PAK1: variants seen among roughly 807,000 people sequenced by gnomAD.
The protein encoded by PAK1 is p21 (RAC1) activated kinase 1.
A neutral mutation model predicts 67.4 loss-of-function variants in PAK1; 29 were observed. That is an observed-to-expected ratio of 0.43 (90% confidence interval 0.32 to 0.59). The LOEUF is 0.59. PAK1 is among the 20% of genes least tolerant of loss of function. The pLI, the probability that PAK1 is intolerant of heterozygous loss-of-function variation, is 0.07. For synonymous variants in PAK1, 223 were observed against 237.4 expected (o/e 0.94, Z 0.56); for missense variants, 337 against 670.7 (o/e 0.50, Z 5.50).
chr11:77,494,855 T>C, the PAK1 span, among the ~76,000 whole-genome samples: 2 of 152,016 alleles, frequency 1.3e-5, no homozygotes, highest in Non-Finnish European at 2.9e-5. Flanking sequence ...CCCCCATCTA[T>C]ATACAAAATT....
chr11:77,514,537 A>T, the PAK1 span, among the ~76,000 whole-genome samples: 2 of 152,208 alleles, frequency 1.3e-5, no homozygotes, highest in South Asian at 4.1e-4. Flanking sequence ...GGCGCTCTTC[A>T]GGATTAGTTA....
the PAK1 span, among the ~76,000 whole-genome samples, chr11:77,510,511 G>A: frequency 2.0e-3 from 304 of 152,256 alleles, 1 homozygote; most frequent in African/African-American, 7.1e-3. Flanking sequence ...TTACAGGTGT[G>A]TACAGGTGTG....
At chr11:77,457,754 G>A (rs571784728) in intron 1 of PAK1, among the ~76,000 whole-genome samples, 24 of 152,318 alleles carry the variant, frequency 1.6e-4, no homozygotes, top group African/African-American at 5.8e-4. Flanking sequence ...AACAGCTACT[G>A]AGGCAGAGAA....
At chr11:77,365,805 C>G (rs1307261211) in intron 5 of PAK1, among the ~76,000 whole-genome samples, 1 of 151,842 alleles carries the variant, frequency 6.6e-6, no homozygotes, top group Non-Finnish European at 1.5e-5. Context: ...TGTACTCCAG[C>G]CTGGGCGACA....
At chr11:77,369,040 A>G (rs1444153588) in intron 5 of PAK1, among the ~76,000 whole-genome samples, 3 of 152,222 alleles carry the variant, frequency 2.0e-5, no homozygotes, top group African/African-American at 7.2e-5. Context: ...GATTAGGTAC[A>G]AAATTCTTGG....
chr11:77,335,274 A>G (rs1346372439), intron 13 of PAK1, among the ~76,000 whole-genome samples: 2 of 152,180 alleles, frequency 1.3e-5, no homozygotes, highest in African/African-American at 4.8e-5. Context: ...TAATAAATTT[A>G]TGTTTATAGT....
chr11:77,361,376 C>T (rs1399753175), intron 5 of PAK1, among the ~76,000 whole-genome samples: 1 of 152,058 alleles, frequency 6.6e-6, no homozygotes, highest in Non-Finnish European at 1.5e-5. Flanking sequence ...TTCCCACAAC[C>T]CTTAGGAATT....
At chr11:77,489,428 C>CT in the PAK1 span, among the ~76,000 whole-genome samples, 1 of 147,424 alleles carries the variant, frequency 6.8e-6, no homozygotes, top group African/African-American at 2.6e-5. Context: ...CTCTCTCTCT[C>CT]CCCTCTCCCC....
chr11:77,365,166 C>T (rs1179004716), intron 5 of PAK1, among the ~76,000 whole-genome samples: 3 of 149,446 alleles, frequency 2.0e-5, no homozygotes, highest in African/African-American at 7.4e-5. Context: ...GCAGGAGAAT[C>T]GCTTGAACTC....
chr11:77,513,858 CT>C, the PAK1 span, among the ~76,000 whole-genome samples: 1 of 152,188 alleles, frequency 6.6e-6, no homozygotes, highest in Admixed American at 6.5e-5. Context: ...ATATTCCCAC[CT>C]ACTTATAGTC....
intron 1 of PAK1, among the ~76,000 whole-genome samples, chr11:77,402,865 T>C (rs1952902041): frequency 6.6e-6 from 1 of 152,170 alleles, no homozygotes; most frequent in Admixed American, 6.5e-5. Flanking sequence ...TCCTACAGTT[T>C]TCATTTACTT....
At chr11:77,332,682 G>A in intron 14 of PAK1, 48 bp downstream of exon 14, 1 of 1,552,028 alleles carries the variant, frequency 6.4e-7, no homozygotes, top group Non-Finnish European at 8.9e-7. Context: ...AAAAGGCCTG[G>A]TTTAGTGATT....
At chr11:77,527,902 T>C in the PAK1 span, among the ~76,000 whole-genome samples, 3 of 151,908 alleles carry the variant, frequency 2.0e-5, no homozygotes, top group Non-Finnish European at 4.4e-5. Flanking sequence ...CTGGAGTGCA[T>C]GCAGTAGCTC....
chr11:77,474,327 C>T (rs1049873418), upstream of PAK1: 4 of 152,050 alleles, frequency 2.6e-5, no homozygotes, highest in African/African-American at 4.8e-5. Flanking sequence ...AACCCTGGCC[C>T]GCATGAGGGC....
In PAK1 at chr11:77,329,555, C is replaced by A. The variant is rs1940935743; in HGVS notation, c.1551+3175G>T. Among the ~76,000 whole-genome samples the A allele has an allele frequency of 2.6e-5, 4 of 152,100 alleles. No individual in the cohort carries two copies. The South Asian group carries it at 8.3e-4, about 32-fold the overall frequency. On this transcript the variant is annotated intron_variant, in intron 14 of 14. Coordinates refer to ENST00000356341, the MANE Select transcript of PAK1 (RefSeq NM_002576.5). ...AACCACATGATTATCTCAATAGATG[C>A]AGAAAAGGCCTTTGACAAAATTCAA...
At chr11:77,343,578 A>C (rs1472668567) in intron 10 of PAK1, among the ~76,000 whole-genome samples, 3 of 152,230 alleles carry the variant, frequency 2.0e-5, no homozygotes, top group Non-Finnish European at 4.4e-5. Flanking sequence ...TAGGCAAAAC[A>C]AACAGTACGA....
intron 1 of PAK1, among the ~76,000 whole-genome samples, chr11:77,397,316 T>C (rs1027594839): frequency 2.0e-5 from 3 of 152,222 alleles, no homozygotes; most frequent in Admixed American, 6.5e-5. Flanking sequence ...AAATGCAGGA[T>C]CACTGTGAGG....
intron 2 of PAK1, among the ~76,000 whole-genome samples, chr11:77,381,671 T>C (rs892186096): frequency 6.6e-6 from 1 of 152,260 alleles, no homozygotes; most frequent in Non-Finnish European, 1.5e-5. Context: ...TAGATATTAC[T>C]ACCGTCATTC....
the PAK1 span, among the ~76,000 whole-genome samples, chr11:77,489,281 C>A: frequency 6.6e-6 from 1 of 152,158 alleles, no homozygotes; most frequent in Admixed American, 6.5e-5. Context: ...TTCATCAACA[C>A]CAGACTTGTC....
Sources: gnomAD v4.1 joint callset for allele counts (sites outside exome capture counted in the v4.1 genomes callset) on GRCh38, gnomAD v4.1.1 for gene constraint, MANE v1.5 for transcripts, NCBI Gene and HGNC (gene_info 2026-07-23, HGNC 2026-07-21) for gene names.